ZNF362: variants seen among roughly 807,000 people sequenced by gnomAD.
The protein encoded by ZNF362 is zinc finger protein 362.
Under a neutral mutation model 42.9 loss-of-function variants are expected in ZNF362, and 11 were observed. That is an observed-to-expected ratio of 0.26 (90% CI 0.16 to 0.42). The LOEUF is 0.42. ZNF362 is among the 20% of genes least tolerant of loss of function. The pLI is 1.00. For missense variants in ZNF362, 362 were observed against 576.2 expected (o/e 0.63, Z 3.81); for synonymous variants, 255 against 257.3 (o/e 0.99, Z 0.09).
the ZNF362 span, chr1:33,200,151 G>T: frequency 6.6e-6 from 1 of 152,224 alleles, no homozygotes; most frequent in African/African-American, 2.4e-5. Flanking sequence ...TTGTGAGGTG[G>T]TGTACTATCA....
At chr1:33,176,930 C>A in the ZNF362 span, among the ~76,000 whole-genome samples, 1 of 152,182 alleles carries the variant, frequency 6.6e-6, no homozygotes, top group South Asian at 2.1e-4. Context: ...TGAATATTGG[C>A]TGAGAAGCCC....
At chr1:33,219,944 C>A in the ZNF362 span, among the ~76,000 whole-genome samples, 2 of 152,198 alleles carry the variant, frequency 1.3e-5, no homozygotes, top group Non-Finnish European at 2.9e-5. Flanking sequence ...AGCTCAGGGC[C>A]CCCTACTCCT....
At position 33,299,334 on chromosome 1, in the gene ZNF362, G is replaced by T. The variant is rs1370165347; in HGVS notation, c.*288G>T. 243 of 154,160 alleles carry T rather than the reference G, an allele frequency of 1.6e-3. No homozygotes were observed. The highest frequency in any genetic ancestry group is 3.5e-3 in the South Asian group (16 of 4,612). 9.5% of individuals were successfully genotyped at this position (154,160 alleles called of 1,614,324 possible). ...TTCCCCACCCTTCACTTGCTTCACT[G>T]TTTTTTTTTTTTTCGTTTTTTTTTT... On this transcript the variant is annotated 3_prime_UTR_variant, in exon 9 of 9. Transcript: ENST00000539719.
At chr1:33,290,710 T>G (rs868341555) in intron 6 of ZNF362, among the ~76,000 whole-genome samples, 1 of 152,096 alleles carries the variant, frequency 6.6e-6, no homozygotes. Context: ...TTTCTCCATA[T>G]CCTCTCCAGC....
the ZNF362 span, among the ~76,000 whole-genome samples, chr1:33,193,043 C>T: frequency 7.1e-6 from 1 of 141,790 alleles, no homozygotes; most frequent in African/African-American, 2.5e-5. Flanking sequence ...ATGCAGGTTC[C>T]AGGGTTTACT....
the ZNF362 span, among the ~76,000 whole-genome samples, chr1:33,211,557 T>G: frequency 6.6e-6 from 1 of 152,190 alleles, no homozygotes; most frequent in African/African-American, 2.4e-5. Flanking sequence ...GAATGTTGAA[T>G]ATTGACCCCC....
At chr1:33,147,429 G>C in the ZNF362 span, 1 of 1,614,110 alleles carries the variant, frequency 6.2e-7, no homozygotes. The surrounding 1 kb of genome is among the most constrained non-coding windows in gnomAD (Gnocchi z 8.1). Context: ...GGTTGCCATC[G>C]TGCATCACGA....
intron 1 of ZNF362, among the ~76,000 whole-genome samples, chr1:33,263,926 G>A (rs961589139): frequency 2.6e-5 from 4 of 152,120 alleles, no homozygotes; most frequent in Admixed American, 1.3e-4. Context: ...TGTTCCCCGC[G>A]AGCCATTTGT....
At chr1:33,145,830 G>A in the ZNF362 span, 1 of 470,182 alleles carries the variant, frequency 2.1e-6, no homozygotes, top group Non-Finnish European at 4.4e-6. Context: ...AACGCAGGTG[G>A]GGCTTGCTCC....
chr1:33,165,641 G>C, the ZNF362 span: 3 of 1,330,704 alleles, frequency 2.3e-6, no homozygotes, highest in African/African-American at 1.5e-5. The surrounding 1 kb of genome is among the most constrained non-coding windows in gnomAD (Gnocchi z 4.0). Context: ...CCACTGCCAG[G>C]CGCTGGGGGT....
rs185834995 is a variant in ZNF362 at position 33,283,071 on chromosome 1, T to C, written c.908+1260T>C. Among the ~76,000 whole-genome samples the C allele has an allele frequency of 1.6e-4, 24 of 152,244 alleles. 1 individual carries two copies. Among genetic ancestry groups the C allele is most frequent in the African/African-American group, 5.3e-4 (22 of 41,550 alleles). On this transcript the variant is annotated intron_variant, in intron 6 of 8. Coordinates refer to ENST00000539719, the MANE Select transcript of ZNF362 (RefSeq NM_152493.3). ...ATAAAACTGGTTTTTGTTGTGGAGT[T>C]TGTAATTTACAGAAAGAATTCAAGG...
At chr1:33,290,310 G>A (rs1444168634) in intron 6 of ZNF362, among the ~76,000 whole-genome samples, 9 of 151,798 alleles carry the variant, frequency 5.9e-5, no homozygotes, top group Non-Finnish European at 1.3e-4. Context: ...GAGAACATGC[G>A]GCGTTTGGTT....
the ZNF362 span, among the ~76,000 whole-genome samples, chr1:33,237,448 C>A: frequency 6.6e-6 from 1 of 152,184 alleles, no homozygotes; most frequent in Non-Finnish European, 1.5e-5. Context: ...CGCTGACCTT[C>A]TCCTCACAGT....
the ZNF362 span, chr1:33,176,536 G>T: frequency 2.2e-5 from 14 of 639,086 alleles, no homozygotes; most frequent in Non-Finnish European, 3.8e-5. Flanking sequence ...CTCTCTGGGG[G>T]TTAGGAACCT....
chr1:33,133,066 A>G, the ZNF362 span, among the ~76,000 whole-genome samples: 1 of 152,218 alleles, frequency 6.6e-6, no homozygotes, highest in Non-Finnish European at 1.5e-5. Flanking sequence ...CGGAGGCCCC[A>G]TCAGGCCCAG....
intron 4 of ZNF362, among the ~76,000 whole-genome samples, chr1:33,277,753 C>A (rs1341761325): frequency 1.3e-5 from 2 of 152,172 alleles, no homozygotes; most frequent in African/African-American, 2.4e-5. Flanking sequence ...GTGATGGAAT[C>A]CCCGGAGAAA....
the ZNF362 span, chr1:33,147,340 T>C: frequency 1.2e-6 from 2 of 1,614,196 alleles, no homozygotes; most frequent in Admixed American, 3.3e-5. The surrounding 1 kb of genome is among the most constrained non-coding windows in gnomAD (Gnocchi z 8.1). Context: ...GCCTTGGTCA[T>C]AGTCCAGGAA....
the ZNF362 span, among the ~76,000 whole-genome samples, chr1:33,178,861 C>G: frequency 6.6e-6 from 1 of 152,174 alleles, no homozygotes; most frequent in African/African-American, 2.4e-5. Flanking sequence ...TCCTGTGTCC[C>G]CCAGGTCATG....
chr1:33,276,360 G>T lies in ZNF362; in HGVS notation c.115G>T (p.Val39Phe). The change falls in exon 4 of 9, where the codon GTT becomes TTT. Residue 39 changes from valine to phenylalanine, a missense_variant. By Grantham distance (50) the Val-to-Phe change is conservative (BLOSUM62 -1). Coordinates refer to ENST00000539719, the MANE Select transcript of ZNF362 (RefSeq NM_152493.3). ...CTTCTTCCCGCAGCTGGACAACCTG[G>T]TTCTGATTAACAAGATCAAGGAGCA... ...PTMPSQLDNL[V>F]LINKIKEQLM... 6.4e-7 allele frequency: 1 copy of T among 1,559,320 alleles called. No homozygotes were observed. Among genetic ancestry groups the T allele is most frequent in the Non-Finnish European group, 8.7e-7 (1 of 1,151,220 alleles).
Sources: gnomAD v4.1 joint callset for allele counts (sites outside exome capture counted in the v4.1 genomes callset) on GRCh38, gnomAD v4.1.1 for gene constraint, Gnocchi (gnomAD v3.1) non-coding constraint, MANE v1.5 for transcripts, NCBI Gene and HGNC (gene_info 2026-07-23, HGNC 2026-07-21) for gene names.